EP300: variants seen among roughly 807,000 people sequenced by gnomAD.
The protein encoded by EP300 is EP300 lysine acetyltransferase, also known as histone acetyltransferase p300.
In EP300, 31 loss-of-function variants were observed where a neutral mutation model predicts 264.0. That is an observed-to-expected ratio of 0.12 (90% CI 0.09 to 0.16). The LOEUF is 0.16. Ranked by LOEUF, EP300 falls within the 10% of genes least tolerant of loss-of-function variation. EP300 has a pLI of 1.00. For synonymous variants in EP300, 1,340 were observed against 1,045.4 expected (o/e 1.28, Z -5.44); for missense variants, 2,766 against 3,052.9 (o/e 0.91, Z 2.21).
At chr22:41,113,417 T>C (rs1378021112) in intron 1 of EP300, among the ~76,000 whole-genome samples, 2 of 152,194 alleles carry the variant, frequency 1.3e-5, no homozygotes, top group African/African-American at 2.4e-5. Flanking sequence ...ATTTCCTGTT[T>C]CGTTTATGCT....
At chr22:41,152,840 C>G (rs2059054992) in intron 16 of EP300, among the ~76,000 whole-genome samples, 1 of 152,014 alleles carries the variant, frequency 6.6e-6, no homozygotes, top group Non-Finnish European at 1.5e-5. Context: ...TCACTGCAAC[C>G]TCCACCTCCC....
At chr22:41,134,527 T>A (rs2058939102) in intron 6 of EP300, among the ~76,000 whole-genome samples, 1 of 152,140 alleles carries the variant, frequency 6.6e-6, no homozygotes, top group African/African-American at 2.4e-5. Flanking sequence ...CCCAAGTAGC[T>A]GGGACCACAT....
chr22:41,159,487 T>C (rs1440683910), intron 19 of EP300: 4 of 152,236 alleles, frequency 2.6e-5, no homozygotes, highest in Non-Finnish European at 5.9e-5. Context: ...AAGTACCTTA[T>C]GTTTAAAAAA....
chr22:41,177,100 C>G lies in EP300; in HGVS notation c.5389C>G (p.Gln1797Glu). The G allele has an allele frequency of 6.2e-7, 1 of 1,614,136 alleles. No individual in the cohort carries two copies. Among genetic ancestry groups the G allele is most frequent in the Non-Finnish European group, 8.5e-7 (1 of 1,180,022 alleles). ...CTGCTGCTACCATGCCAAGCACTGC[C>G]AGGAGAACAAATGCCCGGTGCCGTT... ...ALCCYHAKHCQENKCPVPFCL... is the reference protein window; with the variant it reads ...ALCCYHAKHCEENKCPVPFCL... The change falls in exon 31 of 31, where the codon CAG becomes GAG. Residue 1797 changes from glutamine (Q) to glutamate (E), a missense_variant. Coordinates refer to ENST00000263253, the MANE Select transcript of EP300 (RefSeq NM_001429.4).
intron 1 of EP300, among the ~76,000 whole-genome samples, chr22:41,111,616 C>A (rs1052475157): frequency 2.6e-5 from 4 of 152,032 alleles, no homozygotes; most frequent in African/African-American, 7.2e-5. Flanking sequence ...TATCTGGGCT[C>A]ACCACAACCT....
chr22:41,127,023 C>T (rs886087338), intron 3 of EP300, among the ~76,000 whole-genome samples: 2 of 151,944 alleles, frequency 1.3e-5, no homozygotes, highest in African/African-American at 4.8e-5. Flanking sequence ...GGGTTACAGG[C>T]GTGAGCCACC....
rs565878332 is a variant in EP300 at position 41,135,727 on chromosome 22, T to A, written c.1529-86T>A. On this transcript the variant is annotated intron_variant, in intron 6 of 30. Transcript: ENST00000263253. The stretch of plus-strand genomic sequence containing the variant: ...TATGCTGCAAATTTTTTTTCTGATT[T>A]GTCATTTGTTTCTTAACTTTATAGT... The A allele has an allele frequency of 4.9e-4, 528 of 1,078,286 alleles. 1 individual carries two copies. The African/African-American group carries it at 7.3e-3, about 15-fold the overall frequency. 66.8% of individuals were successfully genotyped at this position (1,078,286 alleles called of 1,614,324 possible).
intron 6 of EP300, among the ~76,000 whole-genome samples, chr22:41,131,954 T>C (rs1025996317): frequency 3.3e-5 from 5 of 152,042 alleles, no homozygotes; most frequent in Non-Finnish European, 5.9e-5. Context: ...TCCCAGCACA[T>C]TGGGAGGCCA....
chr22:41,117,111 A>G, intron 1 of EP300, 76 bp from the exon 2 acceptor site: 1 of 1,244,344 alleles, frequency 8.0e-7, no homozygotes, highest in Middle Eastern at 2.0e-4. Context: ...TTTAATGCTT[A>G]TTGAGAACAA....
chr22:41,155,248 G>GA (rs1341042284), intron 17 of EP300, 135 bp downstream of exon 17: 2 of 799,812 alleles, frequency 2.5e-6, no homozygotes, highest in Admixed American at 2.0e-5. Context: ...TTCCCCCTGA[G>GA]ACAGGGTCTT....
At chr22:41,100,378 A>G (rs1601587661) in intron 1 of EP300, among the ~76,000 whole-genome samples, 1 of 152,358 alleles carries the variant, frequency 6.6e-6, no homozygotes, top group Non-Finnish European at 1.5e-5. Flanking sequence ...AGCCAAGTGC[A>G]TGATGTTCAT....
rs112485447 is a variant in EP300 at position 41,112,709 on chromosome 22, G to T, written c.95-4478G>T. Among the ~76,000 whole-genome samples, 17 of 68,284 alleles carry T rather than the reference G, an allele frequency of 2.5e-4. No homozygotes were observed. The South Asian group carries it at 3.0e-3, about 12-fold the overall frequency. 44.8% of individuals were successfully genotyped at this position (68,284 alleles called of 152,430 possible). A position where few individuals can be genotyped will look rare whatever the true frequency, so the allele number is the denominator to read the frequency against. On this transcript the variant is annotated intron_variant, in intron 1 of 30. Transcript: ENST00000263253. The stretch of plus-strand genomic sequence containing the variant: ...ATTGGCCATGTGTAATTTTTATATT[G>T]TTTTTTTTTTTTAGAAGTATTTGTG...
chr22:41,154,512 A>G (rs2059065799), intron 16 of EP300, among the ~76,000 whole-genome samples: 1 of 150,354 alleles, frequency 6.7e-6, no homozygotes, highest in Admixed American at 6.7e-5. Context: ...CCTCCTGAGT[A>G]GCTGAGACTA....
chr22:41,179,880 TCACACACACACACACACA>T lies in EP300; in HGVS notation c.*950_*967del, dbSNP rs59721178. On this transcript the variant is annotated 3_prime_UTR_variant, in exon 31 of 31. Transcript: ENST00000263253. The stretch of plus-strand genomic sequence containing the variant: ...TCTTCCTCCTTACCCTACCCCCCAC[TCACACACACACACACACA>T]CACACACACACACACACACACACAC... 447 of 167,076 alleles carry T rather than the reference TCACACACACACACACACA, an allele frequency of 2.7e-3. 12 individuals carry two copies. In the East Asian group the frequency reaches 0.03, roughly 11 times the overall value. The allele number at this position is 167,076 out of a possible 1,614,324, so 10.3% of individuals were successfully genotyped here. A position where few individuals can be genotyped will look rare whatever the true frequency, so the allele number is the denominator to read the frequency against.
intron 6 of EP300, 137 bp downstream of exon 6, chr22:41,131,770 A>T: frequency 7.7e-7 from 1 of 1,304,742 alleles, no homozygotes; most frequent in Non-Finnish European, 1.1e-6. Context: ...ACAGTGTAAA[A>T]GGTCCCTTAC....
intron 21 of EP300, among the ~76,000 whole-genome samples, chr22:41,163,846 T>G (rs2059120960): frequency 6.6e-6 from 1 of 152,080 alleles, no homozygotes; most frequent in African/African-American, 2.4e-5. Context: ...CCCAGGAGTT[T>G]AAGGTTGTAG....
chr22:41,141,463 G>A (rs1360220398), intron 10 of EP300, among the ~76,000 whole-genome samples: 3 of 152,158 alleles, frequency 2.0e-5, no homozygotes, highest in African/African-American at 7.2e-5. Context: ...AGAGCCCAAG[G>A]TGTAAACTTC....
rs553344996 is a variant in EP300, at chr22:41,147,064, G to A, written c.2131+248G>A. ...TCACGCTTGTAATCCCAGCACTTTG[G>A]GAGGCCGAGGCTGGTGTACCACCTG... On this transcript the variant is annotated intron_variant, in intron 11 of 30. Transcript: ENST00000263253. 2.0e-5 allele frequency among the ~76,000 whole-genome samples: 3 copies of A among 152,216 alleles called. No individual in the cohort carries two copies. The East Asian group carries it at 5.8e-4, about 29-fold the overall frequency.
chr22:41,176,295 C>T lies in EP300; in HGVS notation c.4828C>T (p.Pro1610Ser), dbSNP rs1458591540. 6.2e-7 allele frequency: 1 copy of T among 1,614,200 alleles called. No homozygotes were observed. The highest frequency in any genetic ancestry group is 1.7e-5 in the Admixed American group (1 of 60,020). The change falls in exon 30 of 31, where the codon CCT becomes TCT. Residue 1610 changes from proline to serine, a missense_variant. By Grantham distance (74) the Pro-to-Ser change is moderately conservative. Coordinates refer to ENST00000263253, the MANE Select transcript of EP300 (RefSeq NM_001429.4). ...TGCTGGCCCTGCTGCCAACTCCCTG[C>T]CTCCCATTGTTGATCCTGATCCTCT... is the stretch of plus-strand genomic sequence containing the variant. ...LIAGPAANSL[P>S]PIVDPDPLIP...
Sources: allele counts gnomAD v4.1 joint callset (sites outside exome capture counted in the v4.1 genomes callset), GRCh38; gene constraint gnomAD v4.1.1; transcripts MANE v1.5; gene names NCBI Gene and HGNC (gene_info 2026-07-23, HGNC 2026-07-21).